PPARGC1A: variants seen among roughly 807,000 people sequenced by gnomAD.
PPARGC1A encodes PPARG coactivator 1 alpha, also known as peroxisome proliferator-activated receptor gamma coactivator 1-alpha.
Under a neutral mutation model 88.7 loss-of-function variants are expected in PPARGC1A, and 25 were observed. The observed-to-expected ratio is 0.28, with a 90% CI of 0.21 to 0.39. PPARGC1A has a LOEUF of 0.39. Among genes scored for constraint, PPARGC1A ranks in the 10% least tolerant of loss-of-function variants. The pLI is 1.00. For synonymous variants in PPARGC1A, 363 were observed against 355.6 expected (o/e 1.02, Z -0.24); for missense variants, 880 against 968.7 (o/e 0.91, Z 1.22).
chr4:23,984,901 TC>T, the PPARGC1A span, among the ~76,000 whole-genome samples: 702 of 152,150 alleles, frequency 4.6e-3, 7 homozygotes, highest in African/African-American at 0.016. Flanking sequence ...GAGAGCAATT[TC>T]CCCAGGCATT....
the PPARGC1A span, among the ~76,000 whole-genome samples, chr4:24,402,560 G>A: frequency 1.5e-4 from 23 of 152,324 alleles, no homozygotes; most frequent in South Asian, 4.8e-3. Context: ...CCCGAGGACA[G>A]ATAATTAAAC....
At chr4:24,301,768 A>G in the PPARGC1A span, among the ~76,000 whole-genome samples, 6 of 152,192 alleles carry the variant, frequency 3.9e-5, no homozygotes, top group Non-Finnish European at 5.9e-5. Flanking sequence ...ACTTGTATAC[A>G]TTGTAGGATG....
chr4:24,233,388 CCTT>C, the PPARGC1A span, among the ~76,000 whole-genome samples: 1 of 151,884 alleles, frequency 6.6e-6, no homozygotes, highest in Non-Finnish European at 1.5e-5. Context: ...TTCTCATCTT[CCTT>C]CTTCTCCTTC....
At chr4:24,298,618 T>G in the PPARGC1A span, among the ~76,000 whole-genome samples, 1 of 152,142 alleles carries the variant, frequency 6.6e-6, no homozygotes, top group African/African-American at 2.4e-5. Flanking sequence ...GTTCGTTCAT[T>G]TCAACAGACA....
At chr4:23,844,764 A>ATGATATATC (rs1230515487) in intron 2 of PPARGC1A, among the ~76,000 whole-genome samples, 2 of 45,566 alleles carry the variant, frequency 4.4e-5, no homozygotes, top group African/African-American at 2.3e-4. Context: ...TATATATTAT[A>ATGATATATC]ATAATATATG....
At chr4:23,950,537 T>C in the PPARGC1A span, among the ~76,000 whole-genome samples, 1 of 152,152 alleles carries the variant, frequency 6.6e-6, no homozygotes, top group Admixed American at 6.6e-5. Flanking sequence ...TAGAAAACAC[T>C]GGAACTGACT....
the PPARGC1A span, among the ~76,000 whole-genome samples, chr4:24,470,115 A>G: frequency 6.6e-6 from 1 of 151,864 alleles, no homozygotes; most frequent in Non-Finnish European, 1.5e-5. The surrounding 1 kb of genome is among the most constrained non-coding windows in gnomAD (Gnocchi z 5.8). Flanking sequence ...GCGCCTGGAA[A>G]CTTGTCCTAA....
chr4:24,187,652 T>C, the PPARGC1A span, among the ~76,000 whole-genome samples: 3 of 152,346 alleles, frequency 2.0e-5, no homozygotes, highest in East Asian at 5.8e-4. Context: ...TATATGATCA[T>C]TCATTCATTT....
chr4:24,202,510 TG>T, the PPARGC1A span, among the ~76,000 whole-genome samples: 1 of 152,152 alleles, frequency 6.6e-6, no homozygotes, highest in Admixed American at 6.5e-5. Flanking sequence ...TAGAGTGTTT[TG>T]GGGTGAAAGC....
chr4:24,184,892 A>T, the PPARGC1A span, among the ~76,000 whole-genome samples: 1 of 152,218 alleles, frequency 6.6e-6, no homozygotes, highest in East Asian at 1.9e-4. Context: ...AAAATAAAAT[A>T]GACAAAAGAA....
chr4:24,357,968 G>A, the PPARGC1A span, among the ~76,000 whole-genome samples: 1 of 152,118 alleles, frequency 6.6e-6, no homozygotes, highest in Non-Finnish European at 1.5e-5. Context: ...CTAATATACT[G>A]TTGCTTAATC....
chr4:24,044,556 C>T, the PPARGC1A span, among the ~76,000 whole-genome samples: 3 of 152,110 alleles, frequency 2.0e-5, no homozygotes, highest in East Asian at 5.8e-4. Context: ...TTCATTCTGC[C>T]AAAAGATGGC....
the PPARGC1A span, among the ~76,000 whole-genome samples, chr4:24,233,003 TGA>T: frequency 6.6e-6 from 1 of 152,114 alleles, no homozygotes; most frequent in African/African-American, 2.4e-5. Flanking sequence ...AGGAGTTGAC[TGA>T]GAGTGTCCAC....
At chr4:23,896,804 C>T (rs773166175) in intron 1 of PPARGC1A, among the ~76,000 whole-genome samples, 3 of 152,148 alleles carry the variant, frequency 2.0e-5, no homozygotes, top group Non-Finnish European at 2.9e-5. Context: ...AGAAGAGGGT[C>T]TACCAACTAA....
chr4:24,025,691 A>G, the PPARGC1A span, among the ~76,000 whole-genome samples: 8 of 147,984 alleles, frequency 5.4e-5, no homozygotes, highest in South Asian at 2.0e-3. Context: ...GGCACAGAAG[A>G]CAGCAAAGCC....
At chr4:24,276,471 G>A in the PPARGC1A span, among the ~76,000 whole-genome samples, 6 of 152,084 alleles carry the variant, frequency 3.9e-5, no homozygotes, top group East Asian at 1.9e-4. Flanking sequence ...CTAAACCTGC[G>A]TGACTGGATT....
chr4:24,075,859 A>C, the PPARGC1A span, among the ~76,000 whole-genome samples: 2 of 152,092 alleles, frequency 1.3e-5, no homozygotes, highest in Non-Finnish European at 2.9e-5. Flanking sequence ...CTTTATTACC[A>C]GCGTGAGAAC....
chr4:23,876,223 G>A (rs551411125), intron 2 of PPARGC1A, among the ~76,000 whole-genome samples: 5 of 152,260 alleles, frequency 3.3e-5, no homozygotes, highest in African/African-American at 1.2e-4. Context: ...TCCCTACAAA[G>A]TACACTGCAG....
chr4:24,278,090 C>T, the PPARGC1A span, among the ~76,000 whole-genome samples: 2 of 151,866 alleles, frequency 1.3e-5, no homozygotes, highest in African/African-American at 4.8e-5. Context: ...TCACTTGAGC[C>T]CAGGAGTTCG....
Sources: gnomAD v4.1 joint callset for allele counts (sites outside exome capture counted in the v4.1 genomes callset) on GRCh38, gnomAD v4.1.1 for gene constraint, Gnocchi (gnomAD v3.1) non-coding constraint, MANE v1.5 for transcripts, NCBI Gene and HGNC (gene_info 2026-07-23, HGNC 2026-07-21) for gene names.